Variants in RNF13 observed in about 807,000 individuals in gnomAD.
RNF13 encodes the protein ring finger protein 13, also known as E3 ubiquitin-protein ligase RNF13.
In RNF13, 19 loss-of-function variants were observed where a neutral mutation model predicts 37.7. The ratio of observed to expected loss-of-function variants is 0.50; its 90% CI spans 0.35 to 0.74. The LOEUF (loss-of-function observed/expected upper bound fraction) is 0.74. RNF13 is among the 30% of genes least tolerant of loss of function. The pLI is 0.01. For missense variants in RNF13, 375 were observed against 453.0 expected, an observed-to-expected ratio of 0.83 and a Z score of 1.56; for synonymous variants, 144 against 157.8, an observed-to-expected ratio of 0.91 and a Z score of 0.65.
intron 8 of RNF13, among the ~76,000 whole-genome samples, chr3:149,937,922 G>A (rs1166626323): frequency 1.3e-5 from 2 of 152,040 alleles, no homozygotes; most frequent in African/African-American, 4.8e-5. Context: ...TGATGAAGTA[G>A]TGTGTATATC....
At chr3:149,892,416 G>T (rs1360682368) in intron 4 of RNF13, among the ~76,000 whole-genome samples, 1 of 152,188 alleles carries the variant, frequency 6.6e-6, no homozygotes, top group Non-Finnish European at 1.5e-5. Context: ...CCTCTTGAAA[G>T]ATTATTACTT....
chr3:149,908,175 T>C (rs984612023), intron 6 of RNF13, among the ~76,000 whole-genome samples: 1 of 152,204 alleles, frequency 6.6e-6, no homozygotes, highest in Non-Finnish European at 1.5e-5. Context: ...TTGTAACTTT[T>C]ATTAGGGAAG....
rs1390991976 is a variant in RNF13, at chr3:149,889,286, A to AGTGTGTGT, written c.322-6182_322-6181insTGTGTGTG. The stretch of plus-strand genomic sequence containing the variant: ...TTAATGTGCTGAAAATCTGAATTTG[A>AGTGTGTGT]GTGTGCGTGTGTGTGTGTGTGTGTG... On this transcript the variant is annotated intron_variant, in intron 4 of 9. Coordinates refer to ENST00000392894, the MANE Select transcript of RNF13 (RefSeq NM_183381.3). Among the ~76,000 whole-genome samples, 223 of 45,390 alleles carry AGTGTGTGT rather than the reference A, an allele frequency of 4.9e-3. 1 individual carries two copies. The highest frequency in any genetic ancestry group is 0.029 in the Middle Eastern group (2 of 68). 29.8% of individuals were successfully genotyped at this position (45,390 alleles called of 152,430 possible). A position where few individuals can be genotyped will look rare whatever the true frequency, so the allele number is the denominator to read the frequency against.
Position 149,883,677 on chromosome 3 carries a change from T to G in RNF13, c.321+11523T>G, listed in dbSNP as rs561010892. ...TTATGGGTCACATTTTCTTGCTTCT[T>G]GGCGTGTCTACCTTTTTTTTTTTCA... On this transcript the variant is annotated intron_variant, in intron 4 of 9. Coordinates refer to ENST00000392894, the MANE Select transcript of RNF13 (RefSeq NM_183381.3). Among the ~76,000 whole-genome samples the G allele has an allele frequency of 5.3e-5, 8 of 152,216 alleles. No individual in the cohort carries two copies. The South Asian group carries it at 1.7e-3, about 32-fold the overall frequency.
intron 3 of RNF13, among the ~76,000 whole-genome samples, chr3:149,868,691 T>C (rs1027704131): frequency 6.6e-6 from 1 of 151,510 alleles, no homozygotes; most frequent in African/African-American, 2.4e-5. Context: ...GCTTGTATTG[T>C]TTTTCAATGA....
At chr3:149,854,886 C>T (rs1723492595) in intron 3 of RNF13, among the ~76,000 whole-genome samples, 1 of 152,186 alleles carries the variant, frequency 6.6e-6, no homozygotes, top group Non-Finnish European at 1.5e-5. Flanking sequence ...AAATACCTAG[C>T]TATGAGGAAG....
intron 8 of RNF13, among the ~76,000 whole-genome samples, chr3:149,924,999 T>C (rs752067384): frequency 7.2e-5 from 11 of 152,120 alleles, no homozygotes; most frequent in Non-Finnish European, 1.3e-4. Flanking sequence ...GTATTTGTAG[T>C]GGTGAGTCTG....
At chr3:149,955,171 G>A (rs1266474006) in intron 8 of RNF13, among the ~76,000 whole-genome samples, 2 of 152,020 alleles carry the variant, frequency 1.3e-5, no homozygotes, top group African/African-American at 4.8e-5. Context: ...TATATGTACA[G>A]GAGGGGAAAG....
intron 8 of RNF13, among the ~76,000 whole-genome samples, chr3:149,932,329 C>T (rs887332596): frequency 6.6e-6 from 1 of 152,092 alleles, no homozygotes; most frequent in Non-Finnish European, 1.5e-5. Flanking sequence ...CCCTTTCTCC[C>T]GCCACATCAC....
At chr3:149,818,451 C>T (rs886418676) in intron 1 of RNF13, among the ~76,000 whole-genome samples, 4 of 152,180 alleles carry the variant, frequency 2.6e-5, no homozygotes, top group Admixed American at 6.5e-5. Context: ...CCCCTTCCTC[C>T]CAGTGGAATG....
At chr3:149,919,735 C>T (rs1717928186) in intron 7 of RNF13, among the ~76,000 whole-genome samples, 1 of 152,154 alleles carries the variant, frequency 6.6e-6, no homozygotes, top group Admixed American at 6.5e-5. Context: ...AATATGCTTT[C>T]ATTTCTATTG....
At chr3:149,896,740 A>C (rs1281441770) in intron 5 of RNF13, among the ~76,000 whole-genome samples, 1 of 151,890 alleles carries the variant, frequency 6.6e-6, no homozygotes, top group African/African-American at 2.4e-5. Context: ...CAGCCTCCCA[A>C]AGTGCTGGGA....
rs1310389388 is a variant in RNF13 at position 149,952,706 on chromosome 3, TCTC to T, written c.701-7347_701-7345del. On this transcript the variant is annotated intron_variant, in intron 8 of 9. Coordinates refer to ENST00000392894, the MANE Select transcript of RNF13 (RefSeq NM_183381.3). ...CCTCTGCCTCCCGGGTTCAAGCGAT[TCTC>T]CTGCCTCAGCCTCCTGAGTAGCTGG... Among the ~76,000 whole-genome samples the T allele has an allele frequency of 1.1e-4, 17 of 152,226 alleles. No homozygotes were observed. In the South Asian group the frequency reaches 3.3e-3, roughly 30 times the overall value.
chr3:149,855,772 C>G (rs192491757), intron 3 of RNF13, among the ~76,000 whole-genome samples: 4 of 152,056 alleles, frequency 2.6e-5, no homozygotes, highest in Admixed American at 6.5e-5. Context: ...CTAATTTATT[C>G]CCATTAACAC....
At chr3:149,831,648 T>C (rs930642974) in intron 1 of RNF13, among the ~76,000 whole-genome samples, 1 of 152,170 alleles carries the variant, frequency 6.6e-6, no homozygotes. Flanking sequence ...GGATGTGGAC[T>C]TTTGAGTTAA....
chr3:149,939,641 C>A, intron 8 of RNF13: 1 of 651,530 alleles, frequency 1.5e-6, no homozygotes, highest in East Asian at 3.4e-5. Context: ...TTATCCTTTG[C>A]TCCAGTCCCT....
chr3:149,892,533 G>A (rs1301962949), intron 4 of RNF13, among the ~76,000 whole-genome samples: 1 of 152,154 alleles, frequency 6.6e-6, no homozygotes, highest in Non-Finnish European at 1.5e-5. Flanking sequence ...GCCCCCAGCC[G>A]TGGTCCCGTA....
intron 3 of RNF13, 35 bp downstream of exon 3, chr3:149,852,631 G>T: frequency 2.1e-6 from 2 of 955,966 alleles, no homozygotes; most frequent in South Asian, 1.9e-5. Flanking sequence ...AAAGACACAA[G>T]GTATTTAATA....
chr3:149,958,235 G>A (rs761924016), intron 8 of RNF13, among the ~76,000 whole-genome samples: 4 of 152,116 alleles, frequency 2.6e-5, no homozygotes, highest in African/African-American at 4.8e-5. Context: ...GTTTGACACA[G>A]GTCTCACAGG....
Sources: allele counts gnomAD v4.1 joint callset (sites outside exome capture counted in the v4.1 genomes callset), GRCh38; gene constraint gnomAD v4.1.1; transcripts MANE v1.5; gene names NCBI Gene and HGNC (gene_info 2026-07-23, HGNC 2026-07-21).